The following PLXNA2 variants were observed in gnomAD, a reference collection of about 807,000 sequenced individuals.
PLXNA2 encodes the protein plexin A2, also known as plexin-A2.
A neutral mutation model predicts 193.5 loss-of-function variants in PLXNA2; 91 were observed. The ratio of observed to expected loss-of-function variants is 0.47; its 90% confidence interval spans 0.40 to 0.56. PLXNA2 has a LOEUF of 0.56. Ranked by LOEUF, PLXNA2 falls within the 20% of genes least tolerant of loss-of-function variation. PLXNA2 has a pLI of 0.00. For missense variants in PLXNA2, 1,995 were observed against 2,503.2 expected (o/e 0.80, Z 4.33); for synonymous variants, 997 against 1,027.3 (o/e 0.97, Z 0.56).
chr1:208,194,452 G>C (rs1009392390), intron 3 of PLXNA2, among the ~76,000 whole-genome samples: 1 of 100,464 alleles, frequency 1.0e-5, no homozygotes, highest in African/African-American at 3.8e-5. Flanking sequence ...TAATTTAGCA[G>C]CTTACTGCAA....
intron 4 of PLXNA2, among the ~76,000 whole-genome samples, chr1:208,127,124 A>G (rs561837497): frequency 4.3e-4 from 66 of 152,356 alleles, no homozygotes; most frequent in African/African-American, 1.4e-3. Flanking sequence ...TGAGGGAGGC[A>G]TAAGGCTTGC....
chr1:208,084,661 A>G, intron 9 of PLXNA2, 81 bp from the exon 10 acceptor site: 2 of 1,365,300 alleles, frequency 1.5e-6, no homozygotes, highest in South Asian at 2.6e-5. Flanking sequence ...CCCCTCTTGT[A>G]TCAGGTGAGC....
At chr1:208,186,718 T>A (rs1249864) in intron 3 of PLXNA2, among the ~76,000 whole-genome samples, 47,726 of 91,918 alleles carry the variant, frequency 0.52, 9,745 homozygotes, top group Non-Finnish European at 0.62. Context: ...ATTTTATTTT[T>A]TTTTTTTTTT....
rs531743482 is a variant in PLXNA2 at position 208,189,913 on chromosome 1, T to C, written c.1371+20367A>G. On this transcript the variant is annotated intron_variant, in intron 3 of 31. Transcript: ENST00000367033. ...GAGGTTGGCAGAGAGAAGATCTTTATGAAGACATTTCAGGAGCAGGAGAAA... is the reference window on the plus strand; with the variant it reads ...GAGGTTGGCAGAGAGAAGATCTTTACGAAGACATTTCAGGAGCAGGAGAAA... 2.6e-5 allele frequency among the ~76,000 whole-genome samples: 4 copies of C among 152,300 alleles called. No individual in the cohort carries two copies. The South Asian group carries it at 8.3e-4, about 32-fold the overall frequency.
At chr1:208,180,337 C>A (rs1340669845) in intron 3 of PLXNA2, among the ~76,000 whole-genome samples, 1 of 151,954 alleles carries the variant, frequency 6.6e-6, no homozygotes, top group Non-Finnish European at 1.5e-5. Context: ...GAGAGGGGCT[C>A]CGGTAGGAGG....
chr1:208,096,294 T>G (rs1666885031), intron 7 of PLXNA2, among the ~76,000 whole-genome samples, 169 bp from the exon 8 acceptor site: 1 of 152,162 alleles, frequency 6.6e-6, no homozygotes, highest in African/African-American at 2.4e-5. Context: ...GAAGCCTCTT[T>G]GGGTAAATAC....
At chr1:208,181,209 G>A (rs768758079) in intron 3 of PLXNA2, among the ~76,000 whole-genome samples, 40 of 152,174 alleles carry the variant, frequency 2.6e-4, no homozygotes, top group Middle Eastern at 3.2e-3. Flanking sequence ...ACCACTTCCC[G>A]ACCCAGGTAG....
At chr1:208,230,203 C>T (rs1016395383) in intron 1 of PLXNA2, 4 of 152,228 alleles carry the variant, frequency 2.6e-5, no homozygotes, top group Non-Finnish European at 4.4e-5. Flanking sequence ...TGGTGACAAA[C>T]TCCGAGGGTT....
At chr1:208,213,823 A>G (rs1558248124) in intron 2 of PLXNA2, among the ~76,000 whole-genome samples, 1 of 152,138 alleles carries the variant, frequency 6.6e-6, no homozygotes, top group Non-Finnish European at 1.5e-5. Flanking sequence ...GAAGGGGTGG[A>G]GGCAAGGGGC....
At chr1:208,072,927 G>T (rs536217700) in intron 12 of PLXNA2, among the ~76,000 whole-genome samples, 1 of 152,168 alleles carries the variant, frequency 6.6e-6, no homozygotes, top group Admixed American at 6.5e-5. Flanking sequence ...CTCTTGGGGT[G>T]GGATGAGGTG....
chr1:208,243,362 C>A (rs974109389), intron 1 of PLXNA2, among the ~76,000 whole-genome samples: 3 of 152,062 alleles, frequency 2.0e-5, no homozygotes, highest in Non-Finnish European at 4.4e-5. Context: ...GCGCTGCTGC[C>A]GCCCTCAGCC....
intron 4 of PLXNA2, among the ~76,000 whole-genome samples, chr1:208,125,593 G>A: frequency 6.6e-6 from 1 of 152,168 alleles, no homozygotes. Flanking sequence ...TTGAATTCCA[G>A]AAGCCCAATT....
intron 2 of PLXNA2, among the ~76,000 whole-genome samples, chr1:208,214,287 T>C (rs1427082944): frequency 3.9e-5 from 6 of 152,240 alleles, no homozygotes; most frequent in Non-Finnish European, 8.8e-5. Context: ...TGCTAAGCAC[T>C]TTACATAAAT....
At chr1:208,040,735 T>C (rs1327905715) in intron 22 of PLXNA2, among the ~76,000 whole-genome samples, 1 of 152,266 alleles carries the variant, frequency 6.6e-6, no homozygotes, top group Non-Finnish European at 1.5e-5. Flanking sequence ...CTAAGCACTA[T>C]CCATTAGCTG....
intron 1 of PLXNA2, among the ~76,000 whole-genome samples, chr1:208,223,178 G>C (rs149269791): frequency 0.012 from 876 of 73,792 alleles, 7 homozygotes; most frequent in African/African-American, 0.037. Flanking sequence ...AATGAGTAGT[G>C]CCTTTAAAGC....
intron 3 of PLXNA2, among the ~76,000 whole-genome samples, chr1:208,202,511 A>T (rs1311605086): frequency 6.6e-6 from 1 of 151,840 alleles, no homozygotes; most frequent in Non-Finnish European, 1.5e-5. Context: ...AAGCCCCTAT[A>T]CTCTTTGTTA....
intron 1 of PLXNA2, among the ~76,000 whole-genome samples, chr1:208,221,567 T>C (rs1671339038): frequency 6.6e-6 from 1 of 152,150 alleles, no homozygotes; most frequent in Non-Finnish European, 1.5e-5. Context: ...CATTGGACAC[T>C]GGAGTCAAGA....
intron 29 of PLXNA2, chr1:208,029,396 G>T: frequency 9.3e-7 from 1 of 1,071,902 alleles, no homozygotes; most frequent in Non-Finnish European, 1.1e-6. Flanking sequence ...TTCACACAAA[G>T]CCACCAGGCT....
chr1:208,219,753 AG>A (rs1484169155), intron 1 of PLXNA2, among the ~76,000 whole-genome samples: 1 of 152,126 alleles, frequency 6.6e-6, no homozygotes, highest in African/African-American at 2.4e-5. Context: ...CGACTCCCCC[AG>A]GGTGTTCGGG....
Sources: gnomAD v4.1 joint callset for allele counts (sites outside exome capture counted in the v4.1 genomes callset) on GRCh38, gnomAD v4.1.1 for gene constraint, MANE v1.5 for transcripts, NCBI Gene and HGNC (gene_info 2026-07-23, HGNC 2026-07-21) for gene names.